The following SLC39A10 variants were observed in gnomAD, a reference collection of about 807,000 sequenced individuals.
SLC39A10 encodes zinc transporter ZIP10.
In SLC39A10, 13 loss-of-function variants were observed where a neutral mutation model predicts 65.1. The ratio of observed to expected loss-of-function variants is 0.20; its 90% confidence interval spans 0.13 to 0.32. SLC39A10 has a LOEUF of 0.32. Ranked by LOEUF, SLC39A10 falls within the 10% of genes least tolerant of loss-of-function variation. SLC39A10 has a pLI of 1.00. For synonymous variants in SLC39A10, 321 were observed against 342.2 expected, an observed-to-expected ratio of 0.94 and a Z score of 0.68; for missense variants, 831 against 1,018.4, an observed-to-expected ratio of 0.82 and a Z score of 2.50.
At chr2:195,671,433 A>G (rs1330286535) in intron 1 of SLC39A10, among the ~76,000 whole-genome samples, 1 of 152,194 alleles carries the variant, frequency 6.6e-6, no homozygotes, top group African/African-American at 2.4e-5. Context: ...TGTTGACAGC[A>G]CCTAGCAGAA....
chr2:195,727,843 TCTTC>T (rs1485003861), intron 8 of SLC39A10, among the ~76,000 whole-genome samples: 3 of 152,150 alleles, frequency 2.0e-5, no homozygotes, highest in African/African-American at 7.2e-5. Context: ...TGCCCCGTGC[TCTTC>T]CTTTAGAGTC....
At chr2:195,715,862 C>T (rs1691788755) in intron 6 of SLC39A10, among the ~76,000 whole-genome samples, 1 of 152,156 alleles carries the variant, frequency 6.6e-6, no homozygotes, top group African/African-American at 2.4e-5. Flanking sequence ...GCTGGCAGTA[C>T]TAATTATGAA....
chr2:195,632,665 GTTTCATCCAT>G (rs1688613117), intron 2 of SLC39A10, among the ~76,000 whole-genome samples: 1 of 152,188 alleles, frequency 6.6e-6, no homozygotes, highest in African/African-American at 2.4e-5. Flanking sequence ...ACGATTCATG[GTTTCATCCAT>G]TTCTCTTAGA....
chr2:195,734,783 A>T, intron 9 of SLC39A10, 100 bp from the exon 10 acceptor site: 1 of 1,148,072 alleles, frequency 8.7e-7, no homozygotes, highest in Non-Finnish European at 1.2e-6. Context: ...GTCTGTAGTT[A>T]CACTTCAGTC....
intron 1 of SLC39A10, among the ~76,000 whole-genome samples, chr2:195,672,730 G>A (rs974208411): frequency 6.6e-6 from 1 of 152,144 alleles, no homozygotes; most frequent in Non-Finnish European, 1.5e-5. Flanking sequence ...ATTTGATGAT[G>A]TCTGATCAAT....
At chr2:195,677,400 T>G (rs1690130453) in intron 1 of SLC39A10, among the ~76,000 whole-genome samples, 3 of 152,068 alleles carry the variant, frequency 2.0e-5, no homozygotes, top group Non-Finnish European at 4.4e-5. Context: ...AAATTAAAAC[T>G]GAGCGTGGTG....
intron 5 of SLC39A10, among the ~76,000 whole-genome samples, chr2:195,709,193 TTGTA>T (rs59346406): frequency 0.45 from 65,540 of 144,804 alleles, 15,049 homozygotes; most frequent in Middle Eastern, 0.56. Context: ...CCCAGCTAAC[TTGTA>T]TGTATGTATG....
intron 8 of SLC39A10, among the ~76,000 whole-genome samples, chr2:195,727,201 G>A (rs1378615034): frequency 6.6e-6 from 1 of 152,074 alleles, no homozygotes; most frequent in Non-Finnish European, 1.5e-5. Flanking sequence ...TGGAGGGAGG[G>A]GGTGGCGGGA....
At chr2:195,672,830 C>T (rs1288630018) in intron 1 of SLC39A10, among the ~76,000 whole-genome samples, 2 of 152,146 alleles carry the variant, frequency 1.3e-5, no homozygotes, top group African/African-American at 4.8e-5. Context: ...ATTTACATAT[C>T]AGCTGAATGA....
At position 195,737,486 on chromosome 2, in the gene SLC39A10, C is replaced by CAGTT. The variant is rs1230858850; in HGVS notation, c.*2448_*2449insTAGT. 4 of 160,580 alleles carry CAGTT rather than the reference C, an allele frequency of 2.5e-5. No homozygotes were observed. The highest frequency in any genetic ancestry group is 2.4e-4 in the Admixed American group (4 of 16,846). The allele number at this position is 160,580 out of a possible 1,614,324, so 9.9% of individuals were successfully genotyped here. ...TTTTTCCATTAACAAACAAACAAGT[C>CAGTT]AGTGGCTTAAATGTGATTATGGTCC... On this transcript the variant is annotated 3_prime_UTR_variant, in exon 10 of 10. Coordinates refer to ENST00000359634, the MANE Select transcript of SLC39A10 (RefSeq NM_020342.3).
chr2:195,726,555 G>A (rs920222564), intron 8 of SLC39A10, among the ~76,000 whole-genome samples: 8 of 152,146 alleles, frequency 5.3e-5, no homozygotes, highest in East Asian at 3.8e-4. Context: ...AGGATCAGAG[G>A]AGAAAAGATG....
Position 195,713,463 on chromosome 2 carries a change from A to G in SLC39A10, c.1606A>G (p.Thr536Ala). The G allele has an allele frequency of 6.3e-7, 1 of 1,577,208 alleles. No homozygotes were observed. Among genetic ancestry groups the G allele is most frequent in the South Asian group, 1.2e-5 (1 of 83,548 alleles). Residue 536 changes from threonine (T) to alanine (A), a missense_variant, in exon 6 of 10, where the codon ACA (threonine) becomes GCA (alanine). This residue lies in a region of SLC39A10 where 230 missense variants were observed against 242.9 expected (regional missense o/e 0.95). Coordinates refer to ENST00000359634, the MANE Select transcript of SLC39A10 (RefSeq NM_020342.3). ...GKQKWFMKQN[T>A]EESTIGRKLS... ...ACAGAAATGGTTTATGAAACAGAAC[A>G]CAGAAGAATCAACTATTGGAAGAAA...
intron 3 of SLC39A10, among the ~76,000 whole-genome samples, chr2:195,698,671 G>T (rs1471174344): frequency 2.7e-5 from 4 of 150,838 alleles, no homozygotes; most frequent in African/African-American, 7.3e-5. Context: ...TAGTCAGGTT[G>T]TATAATCCTT....
chr2:195,662,956 C>CGG (rs1553497982), intron 1 of SLC39A10, among the ~76,000 whole-genome samples: 6 of 152,180 alleles, frequency 3.9e-5, no homozygotes, highest in South Asian at 2.1e-4. Context: ...CTTTTTGTCT[C>CGG]TTTCCGCTTT....
intron 3 of SLC39A10, among the ~76,000 whole-genome samples, chr2:195,703,072 C>T (rs184536660): frequency 9.9e-5 from 15 of 152,278 alleles, no homozygotes; most frequent in Admixed American, 8.5e-4. Context: ...TCTGAAGGAA[C>T]CTGTGTAATT....
chr2:195,644,631 G>T (rs1688875001), intron 2 of SLC39A10, among the ~76,000 whole-genome samples: 1 of 150,990 alleles, frequency 6.6e-6, no homozygotes, highest in African/African-American at 2.4e-5. Flanking sequence ...TGAGCCACAG[G>T]CCCCTCAACT....
chr2:195,660,149 T>C (rs879834505), intron 1 of SLC39A10, among the ~76,000 whole-genome samples: 2 of 152,208 alleles, frequency 1.3e-5, no homozygotes, highest in Admixed American at 6.5e-5. Flanking sequence ...AAAATGCTAA[T>C]TGAGTGAATC....
At chr2:195,691,235 A>T (rs921476130) in intron 3 of SLC39A10, among the ~76,000 whole-genome samples, 1 of 152,114 alleles carries the variant, frequency 6.6e-6, no homozygotes, top group Non-Finnish European at 1.5e-5. Flanking sequence ...GTATCTATAT[A>T]TATACCACAT....
intron 2 of SLC39A10, among the ~76,000 whole-genome samples, chr2:195,645,107 C>G (rs1486421840): frequency 6.6e-6 from 1 of 151,968 alleles, no homozygotes; most frequent in African/African-American, 2.4e-5. Flanking sequence ...CGTGGTTTCT[C>G]CATGTTGGTC....
Sources: gnomAD v4.1 joint callset for allele counts (sites outside exome capture counted in the v4.1 genomes callset) on GRCh38, gnomAD v4.1.1 for gene constraint, gnomAD v4.1.1 regional missense constraint, MANE v1.5 for transcripts, NCBI Gene and HGNC (gene_info 2026-07-23, HGNC 2026-07-21) for gene names.